LRRC4C: variants seen among roughly 807,000 people sequenced by gnomAD.
The protein encoded by LRRC4C is leucine-rich repeat-containing protein 4C.
A neutral mutation model predicts 33.6 loss-of-function variants in LRRC4C; 5 were observed. The observed-to-expected ratio is 0.15, with a 90% confidence interval of 0.08 to 0.31. The LOEUF is 0.31. LRRC4C is among the 10% of genes least tolerant of loss of function. The probability of loss-of-function intolerance (pLI) is 1.00; values close to 1 mark genes in which losing one functional copy is unlikely to be tolerated. For missense variants in LRRC4C, 560 were observed against 796.7 expected, an observed-to-expected ratio of 0.70 and a Z score of 3.58; for synonymous variants, 329 against 302.0, an observed-to-expected ratio of 1.09 and a Z score of -0.93.
At chr11:40,959,757 T>A (rs973922393) in intron 1 of LRRC4C, among the ~76,000 whole-genome samples, 1 of 151,688 alleles carries the variant, frequency 6.6e-6, no homozygotes. Flanking sequence ...TCATGTTCAA[T>A]CAAATGCTGA....
intron 1 of LRRC4C, among the ~76,000 whole-genome samples, chr11:40,957,367 T>C (rs1355175106): frequency 1.3e-5 from 2 of 151,604 alleles, no homozygotes; most frequent in Admixed American, 1.3e-4. Flanking sequence ...GAAGATGAGA[T>C]CCAACTCTTA....
chr11:40,537,545 G>A (rs1238437854), intron 3 of LRRC4C, among the ~76,000 whole-genome samples: 1 of 152,086 alleles, frequency 6.6e-6, no homozygotes, highest in African/African-American at 2.4e-5. Context: ...ACTGATAGAG[G>A]CATTTTCACA....
intron 2 of LRRC4C, among the ~76,000 whole-genome samples, chr11:40,926,614 A>G (rs1957415150): frequency 1.3e-5 from 2 of 152,220 alleles, no homozygotes; most frequent in Non-Finnish European, 2.9e-5. Context: ...GGTATTCACA[A>G]TGAATGATAG....
chr11:41,359,508 A>T (rs1952276079), intron 1 of LRRC4C, among the ~76,000 whole-genome samples: 1 of 152,170 alleles, frequency 6.6e-6, no homozygotes, highest in Non-Finnish European at 1.5e-5. Context: ...AAAGTGCTTT[A>T]AAAATAAGTG....
At chr11:41,170,667 G>A (rs970881854) in intron 1 of LRRC4C, among the ~76,000 whole-genome samples, 4 of 152,096 alleles carry the variant, frequency 2.6e-5, no homozygotes, top group Admixed American at 6.6e-5. Context: ...AGAAAACCTA[G>A]GCAATACCAT....
chr11:40,116,258 A>G lies in LRRC4C; in HGVS notation c.35T>C (p.Ile12Thr), dbSNP rs373784981. 1 of 1,610,730 alleles carries G rather than the reference A, an allele frequency of 6.2e-7. No homozygotes were observed. The highest frequency in any genetic ancestry group is 1.1e-5 in the South Asian group (1 of 90,968). The change falls in exon 7 of 7, where the codon ATA (isoleucine) becomes ACA (threonine). Residue 12 changes from isoleucine (I) to threonine (T), a missense_variant. Transcript: ENST00000528697. ...CCTGTTAAACCTAGGACCTATCATT[A>G]TCTGCTGTGGATGTAAGGTCATCTT... ...LNKMTLHPQQ[I>T]MIGPRFNRAL... is the part of the protein sequence containing the mutation.
At chr11:40,563,196 A>G (rs1957620392) in intron 3 of LRRC4C, among the ~76,000 whole-genome samples, 1 of 152,196 alleles carries the variant, frequency 6.6e-6, no homozygotes, top group Non-Finnish European at 1.5e-5. Flanking sequence ...TTGTACATAC[A>G]TAGCAAGGAC....
chr11:41,033,161 G>T (rs1356733426), intron 1 of LRRC4C, among the ~76,000 whole-genome samples: 1 of 151,848 alleles, frequency 6.6e-6, no homozygotes, highest in Non-Finnish European at 1.5e-5. Context: ...ACGTGCTTAG[G>T]CTCCTCAAGG....
intron 1 of LRRC4C, among the ~76,000 whole-genome samples, chr11:41,111,606 T>G (rs1427731370): frequency 6.6e-6 from 1 of 152,054 alleles, no homozygotes; most frequent in African/African-American, 2.4e-5. Context: ...GGCAAAGACA[T>G]GAAAGTCCAG....
chr11:40,753,558 T>TTTTTG (rs398045143), intron 2 of LRRC4C, among the ~76,000 whole-genome samples: 1 of 150,570 alleles, frequency 6.6e-6, no homozygotes, highest in Admixed American at 6.6e-5. Flanking sequence ...TTTTTTTTTT[T>TTTTTG]GAGACAGAGT....
intron 5 of LRRC4C, among the ~76,000 whole-genome samples, chr11:40,172,621 G>A (rs1860139612): frequency 6.6e-6 from 1 of 151,430 alleles, no homozygotes. Flanking sequence ...CCTTCTGCTT[G>A]AAACTCCCTT....
At chr11:41,258,161 A>T (rs1489819903) in intron 1 of LRRC4C, among the ~76,000 whole-genome samples, 1 of 151,982 alleles carries the variant, frequency 6.6e-6, no homozygotes, top group African/African-American at 2.4e-5. Flanking sequence ...GATGGCTTTA[A>T]CCGGAGTATG....
intron 3 of LRRC4C, among the ~76,000 whole-genome samples, chr11:40,476,269 A>G (rs551281792): frequency 1.3e-5 from 2 of 151,796 alleles, no homozygotes; most frequent in East Asian, 3.9e-4. Context: ...AGGTTCTGCT[A>G]CTTTTAACCA....
At chr11:41,333,560 A>G (rs1232096330) in intron 1 of LRRC4C, among the ~76,000 whole-genome samples, 1 of 152,180 alleles carries the variant, frequency 6.6e-6, no homozygotes, top group African/African-American at 2.4e-5. Context: ...AGAGTATGGA[A>G]TTATTCAAAA....
chr11:40,772,078 A>T (rs995677906), intron 2 of LRRC4C, among the ~76,000 whole-genome samples: 1 of 152,164 alleles, frequency 6.6e-6, no homozygotes, highest in Non-Finnish European at 1.5e-5. Context: ...GTCCGTTCTC[A>T]CACTGCTATA....
intron 1 of LRRC4C, among the ~76,000 whole-genome samples, chr11:40,967,238 G>A (rs1851426903): frequency 6.6e-6 from 1 of 151,742 alleles, no homozygotes. Flanking sequence ...AAGAAAGTCA[G>A]GGAAAGAGAA....
At chr11:40,362,301 A>G (rs546999827) in intron 3 of LRRC4C, among the ~76,000 whole-genome samples, 1 of 152,328 alleles carries the variant, frequency 6.6e-6, no homozygotes, top group South Asian at 2.1e-4. Context: ...ATAGCAAAAG[A>G]AACGATGAAT....
intron 1 of LRRC4C, among the ~76,000 whole-genome samples, chr11:41,097,272 C>G (rs1451683190): frequency 1.3e-5 from 2 of 152,142 alleles, no homozygotes; most frequent in Non-Finnish European, 2.9e-5. Context: ...AGATGGTAAA[C>G]TAGAAGGAGA....
At chr11:40,431,479 T>C (rs1330127445) in intron 3 of LRRC4C, among the ~76,000 whole-genome samples, 1 of 152,008 alleles carries the variant, frequency 6.6e-6, no homozygotes, top group African/African-American at 2.4e-5. Context: ...AACCAGCCTC[T>C]CATAATGCTT....
Sources: gnomAD v4.1 joint callset for allele counts (sites outside exome capture counted in the v4.1 genomes callset) on GRCh38, gnomAD v4.1.1 for gene constraint, MANE v1.5 for transcripts, NCBI Gene and HGNC (gene_info 2026-07-23, HGNC 2026-07-21) for gene names.